Variants in THSD7B observed in about 807,000 individuals in gnomAD.
THSD7B encodes the protein thrombospondin type 1 domain containing 7B.
In THSD7B, 138 loss-of-function variants were observed where a neutral mutation model predicts 213.6. That is an observed-to-expected ratio of 0.65 (90% confidence interval 0.56 to 0.74). The LOEUF is 0.74. Among genes scored for constraint, THSD7B ranks in the 30% least tolerant of loss-of-function variants. The pLI is 0.00. For missense variants in THSD7B, 1,931 were observed against 1,991.5 expected, an observed-to-expected ratio of 0.97 and a Z score of 0.58; for synonymous variants, 742 against 687.0, an observed-to-expected ratio of 1.08 and a Z score of -1.25.
At chr2:137,354,334 C>T (rs1420457456) in intron 12 of THSD7B, among the ~76,000 whole-genome samples, 5 of 151,800 alleles carry the variant, frequency 3.3e-5, no homozygotes, top group African/African-American at 9.7e-5. Context: ...ATGTGTAATG[C>T]GCAATGTTTT....
intron 15 of THSD7B, among the ~76,000 whole-genome samples, chr2:137,500,249 A>G (rs1437293556): frequency 1.3e-5 from 2 of 152,234 alleles, no homozygotes; most frequent in East Asian, 3.8e-4. Flanking sequence ...AGATTAAATG[A>G]TATTGTAACA....
intron 5 of THSD7B, among the ~76,000 whole-genome samples, chr2:137,143,101 G>GA (rs1005046387): frequency 8.6e-5 from 13 of 151,836 alleles, no homozygotes; most frequent in Middle Eastern, 6.8e-3. Flanking sequence ...TAAATCACCA[G>GA]AAAAAAAACA....
chr2:136,890,303 C>CCTCCTCTTCTTCTTCTTCTT lies in THSD7B; in HGVS notation c.139+7988_139+7989insCCTCTTCTTCTTCTTCTTCT, dbSNP rs1553455794. ...TGCTCATTCATGTCCATGTCCTACT[C>CCTCCTCTTCTTCTTCTTCTT]CTTCTTCTTCTTCTTCTTCTTCTTC... On this transcript the variant is annotated intron_variant, in intron 2 of 27. Coordinates refer to ENST00000409968, the MANE Select transcript of THSD7B (RefSeq NM_001316349.2). Among the ~76,000 whole-genome samples the CCTCCTCTTCTTCTTCTTCTT allele has an allele frequency of 1.4e-3, 7 of 5,164 alleles. 1 individual carries two copies. Among genetic ancestry groups the CCTCCTCTTCTTCTTCTTCTT allele is most frequent in the African/African-American group, 1.7e-3 (3 of 1,752 alleles). 3.4% of individuals were successfully genotyped at this position (5,164 alleles called of 152,430 possible). A position where few individuals can be genotyped will look rare whatever the true frequency, so the allele number is the denominator to read the frequency against.
At position 137,384,037 on chromosome 2, in the gene THSD7B, C is replaced by T. The variant is rs185479589; in HGVS notation, c.2501-21576C>T. 2.0e-5 allele frequency among the ~76,000 whole-genome samples: 3 copies of T among 152,240 alleles called. No individual in the cohort carries two copies. The East Asian group carries it at 5.8e-4, about 29-fold the overall frequency. ...ATGGGACCTTCTTTATACTAAAGGACCAAGGGTGTTGAGATTTCCAGCAGA... is the reference window on the plus strand; with the variant it reads ...ATGGGACCTTCTTTATACTAAAGGATCAAGGGTGTTGAGATTTCCAGCAGA... On this transcript the variant is annotated intron_variant, in intron 12 of 27. Coordinates refer to ENST00000409968, the MANE Select transcript of THSD7B (RefSeq NM_001316349.2).
intron 1 of THSD7B, among the ~76,000 whole-genome samples, chr2:136,820,411 C>T (rs1029276033): frequency 6.6e-6 from 1 of 152,180 alleles, no homozygotes; most frequent in African/African-American, 2.4e-5. Context: ...TGATGCAAGG[C>T]ACTGAGGACA....
At chr2:136,995,997 T>C (rs1270390616) in intron 2 of THSD7B, among the ~76,000 whole-genome samples, 1 of 152,206 alleles carries the variant, frequency 6.6e-6, no homozygotes, top group African/African-American at 2.4e-5. Context: ...CCTAAAGGTT[T>C]TGAGGAATCA....
chr2:137,130,308 G>T (rs1038151944), intron 5 of THSD7B, among the ~76,000 whole-genome samples: 1 of 151,938 alleles, frequency 6.6e-6, no homozygotes, highest in Non-Finnish European at 1.5e-5. Context: ...TTGCTCAAAG[G>T]GCTGTGCTAC....
At chr2:137,625,962 T>G (rs75396541) in intron 20 of THSD7B, among the ~76,000 whole-genome samples, 6,749 of 152,250 alleles carry the variant, frequency 0.044, 308 homozygotes, top group African/African-American at 0.11. Context: ...CCCTAAAGCT[T>G]ATAGCTTAGA....
chr2:137,485,324 A>T (rs1405018947), intron 15 of THSD7B, among the ~76,000 whole-genome samples: 1 of 150,602 alleles, frequency 6.6e-6, no homozygotes, highest in Non-Finnish European at 1.5e-5. Flanking sequence ...CAAAGATCAG[A>T]TAGTTGTAGA....
At chr2:137,459,430 G>A (rs536798347) in intron 15 of THSD7B, among the ~76,000 whole-genome samples, 1 of 152,048 alleles carries the variant, frequency 6.6e-6, no homozygotes, top group Non-Finnish European at 1.5e-5. Flanking sequence ...ACTTTGAGAG[G>A]CCAAACAGGC....
At chr2:137,525,276 C>T (rs1397007236) in intron 15 of THSD7B, among the ~76,000 whole-genome samples, 4 of 152,074 alleles carry the variant, frequency 2.6e-5, no homozygotes, top group African/African-American at 9.7e-5. Flanking sequence ...CTTTCTGACC[C>T]CAGAGATCAC....
Position 137,186,840 on chromosome 2 carries a change from A to G in THSD7B, c.1723+15902A>G, listed in dbSNP as rs999282482. ...TAATATTGATTCTTCCAATCCATGA[A>G]CATGGATGTTTTTCCATTTGTTTCT... On this transcript the variant is annotated intron_variant, in intron 7 of 27. Transcript: ENST00000409968. 3.9e-5 allele frequency among the ~76,000 whole-genome samples: 6 copies of G among 152,248 alleles called. No individual in the cohort carries two copies. In the South Asian group the frequency reaches 1.2e-3, roughly 32 times the overall value.
intron 1 of THSD7B, among the ~76,000 whole-genome samples, chr2:136,826,676 T>G (rs536126731): frequency 6.6e-6 from 1 of 152,314 alleles, no homozygotes; most frequent in African/African-American, 2.4e-5. Flanking sequence ...TTTTTTGCAT[T>G]CTAATAATCA....
Position 137,441,509 on chromosome 2 carries a change from G to A in THSD7B, c.2960-9336G>A, listed in dbSNP as rs531611421. Among the ~76,000 whole-genome samples, 5 of 152,200 alleles carry A rather than the reference G, an allele frequency of 3.3e-5. No individual in the cohort carries two copies. The East Asian group carries it at 9.7e-4, about 29-fold the overall frequency. On this transcript the variant is annotated intron_variant, in intron 14 of 27. Transcript: ENST00000409968. ...ATCAAAATTCTGCTACACTGTGAAG[G>A]TTATTTATTTTAGGTTAGGCCATGA...
chr2:137,555,610 A>G (rs1199147879), intron 15 of THSD7B, among the ~76,000 whole-genome samples: 4 of 152,180 alleles, frequency 2.6e-5, no homozygotes, highest in Non-Finnish European at 4.4e-5. Flanking sequence ...GAGCAGAAAA[A>G]TTGAAAATTC....
chr2:137,486,668 AC>A, intron 15 of THSD7B, among the ~76,000 whole-genome samples: 1 of 151,816 alleles, frequency 6.6e-6, no homozygotes, highest in Non-Finnish European at 1.5e-5. Flanking sequence ...AGAACTCTCC[AC>A]CCCAAATCAA....
At chr2:137,181,732 T>C (rs976836476) in intron 7 of THSD7B, among the ~76,000 whole-genome samples, 2 of 152,108 alleles carry the variant, frequency 1.3e-5, no homozygotes, top group African/African-American at 2.4e-5. Context: ...GTAGCATCTC[T>C]GGCACTCCCC....
At position 137,426,442 on chromosome 2, in the gene THSD7B, A is replaced by G. The variant is rs535389390; in HGVS notation, c.2959+14570A>G. Among the ~76,000 whole-genome samples, 107 of 152,280 alleles carry G rather than the reference A, an allele frequency of 7.0e-4. 1 individual carries two copies. Among genetic ancestry groups the G allele is most frequent in the South Asian group, 3.1e-3 (15 of 4,830 alleles). On this transcript the variant is annotated intron_variant, in intron 14 of 27. Coordinates refer to ENST00000409968, the MANE Select transcript of THSD7B (RefSeq NM_001316349.2). ...TGAGTTAAAATTATCTTACAAAGCTATAGTCATCATTAGCAGTATGGTACA... is the reference window on the plus strand; with the variant it reads ...TGAGTTAAAATTATCTTACAAAGCTGTAGTCATCATTAGCAGTATGGTACA...
At chr2:137,080,307 C>T (rs1442060075) in intron 3 of THSD7B, among the ~76,000 whole-genome samples, 3 of 150,948 alleles carry the variant, frequency 2.0e-5, no homozygotes, top group African/African-American at 7.3e-5. Context: ...TTCAAGCAAT[C>T]CTTGTGCCTC....
Sources: allele counts gnomAD v4.1 joint callset (sites outside exome capture counted in the v4.1 genomes callset), GRCh38; gene constraint gnomAD v4.1.1; transcripts MANE v1.5; gene names NCBI Gene and HGNC (gene_info 2026-07-23, HGNC 2026-07-21).